The following ULK4 variants were observed in gnomAD, a reference collection of about 807,000 sequenced individuals.
ULK4 encodes unc-51 like kinase 4.
A neutral mutation model predicts 160.6 loss-of-function variants in ULK4; 133 were observed. That is an observed-to-expected ratio of 0.83 (90% confidence interval 0.72 to 0.96). The LOEUF (loss-of-function observed/expected upper bound fraction) is 0.96. ULK4 is among the 40% of genes least tolerant of loss of function. The probability of loss-of-function intolerance (pLI) is 0.00; values close to 1 mark genes in which losing one functional copy is unlikely to be tolerated. For missense variants in ULK4, 1,580 were observed against 1,499.5 expected (o/e 1.05, Z -0.89); for synonymous variants, 534 against 539.8 (o/e 0.99, Z 0.15).
chr3:41,407,608 G>C (rs1401013699), intron 34 of ULK4, among the ~76,000 whole-genome samples: 3 of 152,078 alleles, frequency 2.0e-5, no homozygotes, highest in African/African-American at 7.2e-5. Flanking sequence ...AATAGCAATA[G>C]AATAAAGAAC....
At chr3:41,298,523 A>G (rs1448881419) in intron 35 of ULK4, among the ~76,000 whole-genome samples, 1 of 152,166 alleles carries the variant, frequency 6.6e-6, no homozygotes, top group Non-Finnish European at 1.5e-5. Flanking sequence ...TCTCCCTTAA[A>G]TCAAAAAGAA....
At chr3:41,705,522 G>A (rs537892973) in intron 25 of ULK4, among the ~76,000 whole-genome samples, 3 of 150,714 alleles carry the variant, frequency 2.0e-5, no homozygotes, top group Non-Finnish European at 4.4e-5. Flanking sequence ...TTGAGACAGC[G>A]TTTTGTTCTT....
intron 35 of ULK4, among the ~76,000 whole-genome samples, chr3:41,356,887 C>T (rs1053716953): frequency 3.9e-5 from 6 of 152,062 alleles, no homozygotes; most frequent in African/African-American, 1.4e-4. Context: ...GTAGTTCAGG[C>T]AGCAGGTTGA....
intron 20 of ULK4, among the ~76,000 whole-genome samples, chr3:41,792,913 G>A (rs1477502497): frequency 3.3e-5 from 5 of 152,144 alleles, no homozygotes; most frequent in African/African-American, 7.2e-5. Context: ...AGTGGCTCAC[G>A]CCTGCAATCC....
At chr3:41,780,872 G>T (rs1158257613) in intron 21 of ULK4, among the ~76,000 whole-genome samples, 3 of 152,064 alleles carry the variant, frequency 2.0e-5, no homozygotes, top group Non-Finnish European at 4.4e-5. Context: ...GTCTTATCGG[G>T]TTCCCAGAGA....
chr3:41,484,060 T>C (rs1256393), intron 32 of ULK4, among the ~76,000 whole-genome samples: 67,037 of 152,064 alleles, frequency 0.44, 15,684 homozygotes, highest in Admixed American at 0.52. Context: ...AGGAAACTAA[T>C]ATAAGGAAGT....
At chr3:41,600,655 C>T (rs1396164477) in intron 31 of ULK4, among the ~76,000 whole-genome samples, 3 of 152,160 alleles carry the variant, frequency 2.0e-5, no homozygotes, top group African/African-American at 7.2e-5. Context: ...AATCACTCCA[C>T]ATCAGAGAGG....
intron 34 of ULK4, among the ~76,000 whole-genome samples, chr3:41,439,250 T>C (rs770960353): frequency 4.6e-5 from 7 of 152,158 alleles, no homozygotes; most frequent in Non-Finnish European, 1.0e-4. Context: ...TAGCTTGAGA[T>C]AGAAATTTGG....
chr3:41,302,254 C>T (rs2079815990), intron 35 of ULK4, among the ~76,000 whole-genome samples: 1 of 152,064 alleles, frequency 6.6e-6, no homozygotes, highest in Admixed American at 6.5e-5. Context: ...CTGATAATTG[C>T]CTTTGAAATG....
intron 17 of ULK4, among the ~76,000 whole-genome samples, chr3:41,864,135 T>G (rs1716680): frequency 2.0e-5 from 3 of 151,738 alleles, no homozygotes; most frequent in Admixed American, 6.6e-5. Context: ...TTGGGATGAG[T>G]GACTCCCCTT....
chr3:41,317,123 C>T (rs1022945456), intron 35 of ULK4, among the ~76,000 whole-genome samples: 4 of 137,270 alleles, frequency 2.9e-5, no homozygotes, highest in African/African-American at 8.3e-5. Flanking sequence ...GGCCGGACTG[C>T]GGACTGCAGT....
At chr3:41,640,676 G>C (rs1344054669) in intron 30 of ULK4, among the ~76,000 whole-genome samples, 1 of 152,094 alleles carries the variant, frequency 6.6e-6, no homozygotes, top group Non-Finnish European at 1.5e-5. Flanking sequence ...TATGGCCAAA[G>C]GCATAGTGTA....
intron 17 of ULK4, among the ~76,000 whole-genome samples, chr3:41,845,837 T>C (rs1367824377): frequency 6.6e-6 from 1 of 152,150 alleles, no homozygotes; most frequent in East Asian, 1.9e-4. Flanking sequence ...TCCACAATTA[T>C]CTCAAAACAA....
chr3:41,856,605 G>A (rs190486443), intron 17 of ULK4, among the ~76,000 whole-genome samples: 5,953 of 70,432 alleles, frequency 0.085, 529 homozygotes, highest in African/African-American at 0.39. Flanking sequence ...ATATATATGT[G>A]TATATATATA....
intron 27 of ULK4, among the ~76,000 whole-genome samples, chr3:41,700,419 T>A (rs2036634430): frequency 6.6e-6 from 1 of 152,136 alleles, no homozygotes; most frequent in East Asian, 1.9e-4. Flanking sequence ...AAGGAAAAAC[T>A]AGATTCATTC....
chr3:41,544,815 G>C (rs2086805208), intron 32 of ULK4, among the ~76,000 whole-genome samples: 1 of 152,142 alleles, frequency 6.6e-6, no homozygotes, highest in Non-Finnish European at 1.5e-5. Flanking sequence ...GAAATTTTTA[G>C]TCGGGGGTTC....
chr3:41,911,578 G>C lies in ULK4; in HGVS notation c.978C>G (p.His326Gln), dbSNP rs1316827453. The change falls in exon 10 of 37, where the codon CAC becomes CAG. Residue 326 changes from histidine to glutamine, a missense_variant. Physicochemically the swap from His to Gln is conservative, Grantham distance 24 (BLOSUM62 0). Transcript: ENST00000301831. ...AGTGACCTAGTGGTTGACCACTCTT[G>C]TGCCCTTTTGCTTGTCTACTCTGAG... ...QNSQSRQAKG[H>Q]KSGQPLGHSF... is the part of the protein sequence containing the mutation. 1 of 1,614,014 alleles carries C rather than the reference G, an allele frequency of 6.2e-7. No individual in the cohort carries two copies. The highest frequency in any genetic ancestry group is 8.5e-7 in the Non-Finnish European group (1 of 1,180,026).
In ULK4 at chr3:41,918,730, C is replaced by T. The variant is rs539414736; in HGVS notation, c.644-190G>A. Among the ~76,000 whole-genome samples the T allele has an allele frequency of 3.8e-3, 569 of 151,630 alleles. 3 individuals are homozygous for T. The highest frequency in any genetic ancestry group is 0.013 in the African/African-American group (531 of 41,350). Reference sequence around the variant, plus strand: ...CACTCTCCTGCTTCAGCCTCCCCAGCAGCTGGGACCACAGGCGCACGCTGC... The same window carrying T: ...CACTCTCCTGCTTCAGCCTCCCCAGTAGCTGGGACCACAGGCGCACGCTGC... On this transcript the variant is annotated intron_variant, in intron 6 of 36. Coordinates refer to ENST00000301831, the MANE Select transcript of ULK4 (RefSeq NM_017886.4).
At chr3:41,319,916 T>C (rs560145244) in intron 35 of ULK4, among the ~76,000 whole-genome samples, 21 of 152,208 alleles carry the variant, frequency 1.4e-4, no homozygotes, top group Admixed American at 9.2e-4. Flanking sequence ...ATCACTATTC[T>C]ACCAGTAGTA....
Sources: allele counts gnomAD v4.1 joint callset (sites outside exome capture counted in the v4.1 genomes callset), GRCh38; gene constraint gnomAD v4.1.1; transcripts MANE v1.5; gene names NCBI Gene and HGNC (gene_info 2026-07-23, HGNC 2026-07-21).